The following PTPRD variants were observed in gnomAD, a reference collection of about 807,000 sequenced individuals.
PTPRD encodes the protein receptor-type tyrosine-protein phosphatase delta.
A neutral mutation model predicts 214.5 loss-of-function variants in PTPRD; 34 were observed. The ratio of observed to expected loss-of-function variants is 0.16; its 90% CI spans 0.12 to 0.21. The LOEUF is 0.21. Ranked by LOEUF, PTPRD falls within the 10% of genes least tolerant of loss-of-function variation. The pLI is 1.00. For synonymous variants in PTPRD, 1,128 were observed against 845.7 expected (o/e 1.33, Z -5.79); for missense variants, 2,545 against 2,398.7 (o/e 1.06, Z -1.27).
At chr9:10,131,585 C>A (rs1283630830) in intron 3 of PTPRD, among the ~76,000 whole-genome samples, 1 of 152,100 alleles carries the variant, frequency 6.6e-6, no homozygotes, top group Non-Finnish European at 1.5e-5. Context: ...CTTAGAGTGC[C>A]ATTATGTATT....
At chr9:8,766,730 G>A (rs1407407438) in intron 11 of PTPRD, among the ~76,000 whole-genome samples, 1 of 152,144 alleles carries the variant, frequency 6.6e-6, no homozygotes, top group East Asian at 1.9e-4. Flanking sequence ...CAAAAGTTGG[G>A]TAAATAATTG....
chr9:9,477,356 A>G (rs543613858), intron 8 of PTPRD, among the ~76,000 whole-genome samples: 3 of 152,302 alleles, frequency 2.0e-5, no homozygotes, highest in African/African-American at 7.2e-5. Flanking sequence ...GTTTCTCATA[A>G]GTGGGATTCC....
intron 10 of PTPRD, among the ~76,000 whole-genome samples, chr9:9,180,217 A>C (rs1012784145): frequency 6.6e-5 from 10 of 151,622 alleles, no homozygotes; most frequent in Non-Finnish European, 1.3e-4. Context: ...ACAATGATAG[A>C]CTGGATTAAG....
intron 3 of PTPRD, among the ~76,000 whole-genome samples, chr9:10,061,159 A>AT (rs1458888035): frequency 4.6e-5 from 7 of 151,872 alleles, no homozygotes; most frequent in Non-Finnish European, 7.4e-5. Flanking sequence ...ATACTTGCTC[A>AT]TTTAAGTTAC....
At chr9:8,806,080 T>C (rs1363468877) in intron 11 of PTPRD, among the ~76,000 whole-genome samples, 1 of 151,390 alleles carries the variant, frequency 6.6e-6, no homozygotes, top group African/African-American at 2.4e-5. Context: ...ACCACCACTA[T>C]GCCCAGCTAA....
intron 10 of PTPRD, among the ~76,000 whole-genome samples, chr9:9,143,569 C>A (rs1033372642): frequency 6.6e-6 from 1 of 151,948 alleles, no homozygotes; most frequent in Admixed American, 6.6e-5. Flanking sequence ...TTTTAAAGAC[C>A]GAATGTTTTC....
Position 8,787,637 on chromosome 9 carries a change from G to A in PTPRD, c.-103-53691C>T, listed in dbSNP as rs146552030. Among the ~76,000 whole-genome samples the A allele has an allele frequency of 2.0e-4, 31 of 152,256 alleles. No homozygotes were observed. In the East Asian group the frequency reaches 5.4e-3, roughly 27 times the overall value. ...CTAAAGTTGAAGAAGGTAGAGAAAC[G>A]GAGCAGGAGAGAAGATTAGAGGGGA... On this transcript the variant is annotated intron_variant, in intron 11 of 45. Transcript: ENST00000381196.
At chr9:9,802,717 A>G (rs2099049149) in intron 5 of PTPRD, among the ~76,000 whole-genome samples, 1 of 151,814 alleles carries the variant, frequency 6.6e-6, no homozygotes, top group Non-Finnish European at 1.5e-5. Context: ...TTGGAGCTCA[A>G]TAAATGCTTG....
chr9:9,991,364 T>TA (rs1020994043), intron 4 of PTPRD, among the ~76,000 whole-genome samples: 14 of 151,838 alleles, frequency 9.2e-5, no homozygotes, highest in African/African-American at 3.1e-4. Flanking sequence ...AATATACTTT[T>TA]TTTTTTCTTT....
intron 11 of PTPRD, among the ~76,000 whole-genome samples, chr9:8,961,745 T>G (rs2099159954): frequency 6.6e-6 from 1 of 152,094 alleles, no homozygotes; most frequent in Non-Finnish European, 1.5e-5. Context: ...ACTATAATTT[T>G]GTCGATGTAA....
chr9:8,424,623 A>C (rs1205220483), intron 35 of PTPRD, among the ~76,000 whole-genome samples: 3 of 151,948 alleles, frequency 2.0e-5, no homozygotes, highest in Non-Finnish European at 4.4e-5. Flanking sequence ...GTGCAGTTTA[A>C]TACTAAAAAA....
chr9:9,342,485 C>T (rs543674346), intron 9 of PTPRD, among the ~76,000 whole-genome samples: 1 of 152,172 alleles, frequency 6.6e-6, no homozygotes, highest in African/African-American at 2.4e-5. Flanking sequence ...ACATATTTGG[C>T]TATATGCTTT....
chr9:8,795,770 T>G (rs2096397786), intron 11 of PTPRD, among the ~76,000 whole-genome samples: 1 of 152,174 alleles, frequency 6.6e-6, no homozygotes, highest in Non-Finnish European at 1.5e-5. Context: ...AATTCTAAAG[T>G]CAAAGTTATC....
At chr9:10,345,644 T>A (rs576756062) in intron 2 of PTPRD, among the ~76,000 whole-genome samples, 17 of 152,352 alleles carry the variant, frequency 1.1e-4, no homozygotes, top group Non-Finnish European at 1.6e-4. Flanking sequence ...TGTGCCACAT[T>A]TTCTTTTTCC....
chr9:8,745,567 C>T (rs533442465), intron 11 of PTPRD, among the ~76,000 whole-genome samples: 1 of 152,246 alleles, frequency 6.6e-6, no homozygotes, highest in African/African-American at 2.4e-5. Context: ...CAAAAATTTT[C>T]TAAAGGGTCA....
At position 8,318,032 on chromosome 9, in the gene PTPRD, T is replaced by TAAC. The variant is rs1823185999; in HGVS notation, c.5671-93_5671-91dup. 1.0e-5 allele frequency: 13 copies of TAAC among 1,276,246 alleles called. 1 individual carries two copies. The highest frequency in any genetic ancestry group is 1.5e-5 in the Non-Finnish European group (13 of 886,848). 79.1% of individuals were successfully genotyped at this position (1,276,246 alleles called of 1,614,324 possible). ...TAAAAATCAATATTGCATAACAAAA[T>TAAC]AACATCTATATAGGGGCAAAATCAC... On this transcript the variant is annotated intron_variant, in intron 45 of 45. Transcript: ENST00000381196.
chr9:10,383,968 C>A (rs2097865149), intron 2 of PTPRD, among the ~76,000 whole-genome samples: 1 of 148,234 alleles, frequency 6.7e-6, no homozygotes, highest in African/African-American at 2.5e-5. Flanking sequence ...ATTTCAAAAT[C>A]ATTAAAGAGG....
At chr9:9,723,992 T>A (rs1250471151) in intron 7 of PTPRD, among the ~76,000 whole-genome samples, 1 of 152,118 alleles carries the variant, frequency 6.6e-6, no homozygotes, top group Admixed American at 6.6e-5. Flanking sequence ...TTATTTCTTT[T>A]TCTTTCTCAA....
chr9:10,058,841 T>G (rs1211902555), intron 3 of PTPRD, among the ~76,000 whole-genome samples: 1 of 152,106 alleles, frequency 6.6e-6, no homozygotes, highest in Non-Finnish European at 1.5e-5. Flanking sequence ...ACATTTTAGT[T>G]GTAAATATTT....
Sources: allele counts gnomAD v4.1 joint callset (sites outside exome capture counted in the v4.1 genomes callset), GRCh38; gene constraint gnomAD v4.1.1; transcripts MANE v1.5; gene names NCBI Gene and HGNC (gene_info 2026-07-23, HGNC 2026-07-21).